The following STXBP5L variants were observed in gnomAD, a reference collection of about 807,000 sequenced individuals.
STXBP5L encodes the protein syntaxin binding protein 5L, also known as syntaxin-binding protein 5-like.
STXBP5L carries 65 observed loss-of-function variants against 144.5 expected under a neutral mutation model. The observed-to-expected ratio is 0.45, with a 90% confidence interval of 0.37 to 0.55. The LOEUF is 0.55. Ranked by LOEUF, STXBP5L falls within the 20% of genes least tolerant of loss-of-function variation. STXBP5L has a pLI of 0.00. For missense variants in STXBP5L, 1,298 were observed against 1,405.5 expected (o/e 0.92, Z 1.22); for synonymous variants, 505 against 469.6 (o/e 1.08, Z -0.97).
intron 22 of STXBP5L, among the ~76,000 whole-genome samples, chr3:121,392,402 G>A (rs1560050425): frequency 6.6e-6 from 1 of 152,042 alleles, no homozygotes; most frequent in Non-Finnish European, 1.5e-5. Context: ...ACTCTCCGTG[G>A]GCTGCACCCA....
At chr3:121,072,346 C>A (rs566840814) in intron 5 of STXBP5L, among the ~76,000 whole-genome samples, 1 of 152,210 alleles carries the variant, frequency 6.6e-6, no homozygotes, top group Non-Finnish European at 1.5e-5. Flanking sequence ...CCGTGTTGGC[C>A]GCTGCCATGG....
chr3:121,064,619 T>C (rs1260887613), intron 5 of STXBP5L, among the ~76,000 whole-genome samples: 2 of 152,254 alleles, frequency 1.3e-5, no homozygotes, highest in Non-Finnish European at 2.9e-5. Flanking sequence ...TGGACATATG[T>C]TATATTCCTT....
intron 5 of STXBP5L, among the ~76,000 whole-genome samples, chr3:121,069,074 A>C (rs1242937675): frequency 6.6e-6 from 1 of 152,110 alleles, no homozygotes; most frequent in African/African-American, 2.4e-5. Context: ...TGTAACAACC[A>C]CTATAATCAA....
intron 22 of STXBP5L, among the ~76,000 whole-genome samples, chr3:121,390,797 C>T (rs1296935609): frequency 6.6e-6 from 1 of 152,090 alleles, no homozygotes; most frequent in African/African-American, 2.4e-5. Context: ...CTCAACCTTT[C>T]TCTCTGGCTG....
chr3:121,025,522 A>T (rs545363665), intron 3 of STXBP5L, among the ~76,000 whole-genome samples: 1 of 152,222 alleles, frequency 6.6e-6, no homozygotes, highest in South Asian at 2.1e-4. Context: ...CTGCTTCTTT[A>T]AATTGTACAG....
At chr3:121,365,704 G>T (rs2045845921) in intron 20 of STXBP5L, among the ~76,000 whole-genome samples, 1 of 149,682 alleles carries the variant, frequency 6.7e-6, no homozygotes, top group Non-Finnish European at 1.5e-5. Flanking sequence ...CAATTTTGTT[G>T]ATTTTCTGAA....
chr3:121,053,004 A>G (rs1018710138), intron 5 of STXBP5L, among the ~76,000 whole-genome samples: 1 of 152,204 alleles, frequency 6.6e-6, no homozygotes, highest in Non-Finnish European at 1.5e-5. Context: ...CAATTGCTTC[A>G]AAGAGAATAA....
intron 19 of STXBP5L, among the ~76,000 whole-genome samples, chr3:121,287,849 AC>A (rs1337444369): frequency 6.6e-6 from 1 of 152,148 alleles, no homozygotes; most frequent in Non-Finnish European, 1.5e-5. Flanking sequence ...AAAGACCCAC[AC>A]ATGGAAAACC....
intron 22 of STXBP5L, among the ~76,000 whole-genome samples, chr3:121,384,787 A>G (rs3898452): frequency 0.13 from 19,272 of 151,956 alleles, 1,364 homozygotes; most frequent in Middle Eastern, 0.18. Flanking sequence ...AATATAAAGG[A>G]AAAAAATGAA....
chr3:121,042,838 G>A (rs189607960), intron 4 of STXBP5L, among the ~76,000 whole-genome samples: 1 of 151,904 alleles, frequency 6.6e-6, no homozygotes, highest in East Asian at 1.9e-4. Context: ...ATGGGGTACT[G>A]AAATGAGAAA....
chr3:120,978,986 G>C (rs1384896236), intron 3 of STXBP5L, among the ~76,000 whole-genome samples: 1 of 152,134 alleles, frequency 6.6e-6, no homozygotes, highest in Non-Finnish European at 1.5e-5. Context: ...TGCTGCTTGG[G>C]GGTCAGGGGT....
At chr3:121,131,299 A>C (rs150836170) in intron 7 of STXBP5L, among the ~76,000 whole-genome samples, 5,414 of 152,236 alleles carry the variant, frequency 0.036, 146 homozygotes, top group Middle Eastern at 0.082. Flanking sequence ...AAAATGGGTA[A>C]TCCCATAGGG....
At chr3:121,070,265 A>G (rs1416782779) in intron 5 of STXBP5L, among the ~76,000 whole-genome samples, 1 of 152,256 alleles carries the variant, frequency 6.6e-6, no homozygotes, top group Non-Finnish European at 1.5e-5. Flanking sequence ...CATTTCTTAC[A>G]TCTTGAGAGA....
At chr3:120,940,808 C>CT (rs956359722) in intron 2 of STXBP5L, among the ~76,000 whole-genome samples, 21 of 151,628 alleles carry the variant, frequency 1.4e-4, no homozygotes, top group African/African-American at 4.8e-4. Flanking sequence ...TCGTATTACT[C>CT]TGTCACTATA....
At chr3:121,313,829 C>A (rs1175927255) in intron 19 of STXBP5L, among the ~76,000 whole-genome samples, 5 of 144,516 alleles carry the variant, frequency 3.5e-5, no homozygotes. Flanking sequence ...AGGGGCTCCT[C>A]ACTTCTCAGA....
intron 7 of STXBP5L, 87 bp downstream of exon 7, chr3:121,121,791 C>A (rs962539428): frequency 2.3e-6 from 2 of 882,340 alleles, no homozygotes; most frequent in Non-Finnish European, 3.6e-6. Flanking sequence ...TATCTAGTAT[C>A]TAGCCCAGTT....
At chr3:121,367,570 G>C (rs2045896452) in intron 20 of STXBP5L, among the ~76,000 whole-genome samples, 2 of 141,324 alleles carry the variant, frequency 1.4e-5, no homozygotes. Flanking sequence ...CTGCTTTCAA[G>C]GTTCTCTCTT....
chr3:121,009,787 GT>G (rs892577396), intron 3 of STXBP5L, among the ~76,000 whole-genome samples: 4 of 151,690 alleles, frequency 2.6e-5, no homozygotes, highest in African/African-American at 9.7e-5. Flanking sequence ...GGATCGTAAT[GT>G]TTTTTTCTAG....
chr3:121,313,100 C>A (rs1357036351), intron 19 of STXBP5L, among the ~76,000 whole-genome samples: 1 of 138,464 alleles, frequency 7.2e-6, no homozygotes, highest in Non-Finnish European at 1.6e-5. Context: ...CTGACCCCCC[C>A]ACCACCCTCC....
Sources: allele counts gnomAD v4.1 joint callset (sites outside exome capture counted in the v4.1 genomes callset), GRCh38; gene constraint gnomAD v4.1.1; transcripts MANE v1.5; gene names NCBI Gene and HGNC (gene_info 2026-07-23, HGNC 2026-07-21).